The following BTG4 variants were observed in gnomAD, a reference collection of about 807,000 sequenced individuals.
BTG4 encodes the protein protein BTG4.
Under a neutral mutation model 19.3 loss-of-function variants are expected in BTG4, and 10 were observed. That is an observed-to-expected ratio of 0.52 (90% CI 0.32 to 0.88). The LOEUF (loss-of-function observed/expected upper bound fraction) is 0.88, where lower values mean the gene tolerates loss of function less well. Among genes scored for constraint, BTG4 ranks in the 40% least tolerant of loss-of-function variants. BTG4 has a pLI of 0.04. For missense variants in BTG4, 238 were observed against 281.9 expected (o/e 0.84, Z 1.11); for synonymous variants, 91 against 95.7 (o/e 0.95, Z 0.29).
At chr11:111,493,230 C>A (rs1865523986), downstream of BTG4, among the ~76,000 whole-genome samples, 1 of 152,054 alleles carries the variant, frequency 6.6e-6, no homozygotes, top group Admixed American at 6.5e-5. Context: ...GTCATTAAGA[C>A]CAGAAGTCAT....
At chr11:111,392,144 C>G in the BTG4 span, among the ~76,000 whole-genome samples, 2 of 150,476 alleles carry the variant, frequency 1.3e-5, no homozygotes, top group East Asian at 3.9e-4. Context: ...AACCTAGCCT[C>G]CAGCTTCCCT....
chr11:111,511,901 T>C lies in BTG4; in HGVS notation c.-27+280A>G, dbSNP rs148629157. Among the ~76,000 whole-genome samples, 161 of 152,344 alleles carry C rather than the reference T, an allele frequency of 1.1e-3. 1 individual carries two copies. In the East Asian group the frequency reaches 0.029, roughly 27 times the overall value. ...TACAAATAGTTTCTACTATTCTAAA[T>C]AGTCCCTAGTTTAGTAATTTATTAT... is the stretch of plus-strand genomic sequence containing the variant. On this transcript the variant is annotated intron_variant, in intron 1 of 4. Transcript: ENST00000692032.
intron 5 of BTG4, among the ~76,000 whole-genome samples, chr11:111,478,846 G>T (rs535656769): frequency 1.3e-5 from 2 of 152,012 alleles, no homozygotes; most frequent in East Asian, 3.9e-4. Context: ...CTGAGGAAAT[G>T]AATGCATAGA....
At chr11:111,500,471 G>A (rs566666297) in intron 1 of BTG4, among the ~76,000 whole-genome samples, 83 of 152,240 alleles carry the variant, frequency 5.5e-4, no homozygotes, top group African/African-American at 1.9e-3. Flanking sequence ...TCCTATATGT[G>A]CAGCCTAGTT....
chr11:111,429,817 T>C, the BTG4 span, among the ~76,000 whole-genome samples: 1 of 152,248 alleles, frequency 6.6e-6, no homozygotes, highest in African/African-American at 2.4e-5. Flanking sequence ...ATTCTTCTGC[T>C]GCTGATCCCA....
At chr11:111,441,129 T>C in the BTG4 span, among the ~76,000 whole-genome samples, 24,488 of 143,258 alleles carry the variant, frequency 0.17, 2,091 homozygotes, top group South Asian at 0.26. Flanking sequence ...TTTTTTTTTT[T>C]CACAAATACA....
At chr11:111,414,322 C>G in the BTG4 span, 1 of 152,258 alleles carries the variant, frequency 6.6e-6, no homozygotes, top group African/African-American at 2.4e-5. Context: ...AATGCCCCAC[C>G]AGGGAGAGCG....
At chr11:111,468,242 C>T (rs574435824) in intron 5 of BTG4, among the ~76,000 whole-genome samples, 3 of 152,324 alleles carry the variant, frequency 2.0e-5, no homozygotes, top group East Asian at 1.9e-4. Context: ...CAAAGCAACT[C>T]GATGAAATAG....
intron 5 of BTG4, among the ~76,000 whole-genome samples, chr11:111,471,286 C>A (rs1864046419): frequency 6.6e-6 from 1 of 152,104 alleles, no homozygotes; most frequent in African/African-American, 2.4e-5. Context: ...AAGTAATTGT[C>A]CCGTACACAT....
chr11:111,391,923 T>C, the BTG4 span, among the ~76,000 whole-genome samples: 3 of 152,186 alleles, frequency 2.0e-5, no homozygotes, highest in Non-Finnish European at 4.4e-5. Context: ...CCAAGCCACC[T>C]GGCTCTCATT....
the BTG4 span, among the ~76,000 whole-genome samples, chr11:111,415,506 A>G: frequency 3.3e-5 from 5 of 152,304 alleles, no homozygotes; most frequent in East Asian, 9.6e-4. Context: ...CAGGCTAGAG[A>G]GAGAAAGAGA....
the BTG4 span, among the ~76,000 whole-genome samples, chr11:111,422,080 A>G: frequency 6.6e-6 from 1 of 152,324 alleles, no homozygotes; most frequent in South Asian, 2.1e-4. Flanking sequence ...CCAAGAGAGA[A>G]TCTCTAATCT....
At chr11:111,484,037 T>C (rs1040224370) in intron 5 of BTG4, among the ~76,000 whole-genome samples, 1 of 152,128 alleles carries the variant, frequency 6.6e-6, no homozygotes, top group Non-Finnish European at 1.5e-5. Context: ...GACATCTTCA[T>C]GGAAATCTCA....
At chr11:111,465,921 A>G (rs1021574427), downstream of BTG4, among the ~76,000 whole-genome samples, 2 of 152,232 alleles carry the variant, frequency 1.3e-5, no homozygotes, top group Admixed American at 6.5e-5. Context: ...TACTGACTCC[A>G]GAGAACTTGA....
the BTG4 span, among the ~76,000 whole-genome samples, chr11:111,428,296 A>T: frequency 6.8e-6 from 1 of 147,736 alleles, no homozygotes; most frequent in East Asian, 1.9e-4. Flanking sequence ...CCCTTTTAAG[A>T]CCCTACACCC....
the BTG4 span, among the ~76,000 whole-genome samples, chr11:111,447,376 T>C: frequency 0.018 from 2,718 of 152,310 alleles, 73 homozygotes; most frequent in African/African-American, 0.062. Flanking sequence ...CAACATCCTT[T>C]CTAAAGCTAA....
At chr11:111,442,201 A>G in the BTG4 span, among the ~76,000 whole-genome samples, 2 of 151,994 alleles carry the variant, frequency 1.3e-5, no homozygotes, top group African/African-American at 4.8e-5. Flanking sequence ...GGACGGGGAC[A>G]GGAAATATAC....
the BTG4 span, among the ~76,000 whole-genome samples, chr11:111,400,010 T>G: frequency 1.3e-5 from 2 of 151,936 alleles, no homozygotes; most frequent in South Asian, 2.1e-4. Flanking sequence ...AAAGCCGGGA[T>G]GGGTGAGGGT....
chr11:111,457,415 C>T, the BTG4 span: 2 of 153,532 alleles, frequency 1.3e-5, no homozygotes, highest in East Asian at 3.9e-4. Flanking sequence ...CGGCAGCCCT[C>T]AGCATTGTCC....
Sources: allele counts gnomAD v4.1 joint callset (sites outside exome capture counted in the v4.1 genomes callset), GRCh38; gene constraint gnomAD v4.1.1; transcripts MANE v1.5; gene names NCBI Gene and HGNC (gene_info 2026-07-23, HGNC 2026-07-21).